COL8A1: variants seen among roughly 807,000 people sequenced by gnomAD.
The protein encoded by COL8A1 is collagen type VIII alpha 1 chain, also known as collagen alpha-1(VIII) chain.
A neutral mutation model predicts 42.7 loss-of-function variants in COL8A1; 21 were observed. The ratio of observed to expected loss-of-function variants is 0.49; its 90% CI spans 0.35 to 0.71. The LOEUF is 0.71. Among genes scored for constraint, COL8A1 ranks in the 30% least tolerant of loss-of-function variants. COL8A1 has a pLI of 0.01. For synonymous variants in COL8A1, 367 were observed against 369.1 expected (o/e 0.99, Z 0.06); for missense variants, 788 against 962.4 (o/e 0.82, Z 2.40).
chr3:99,740,825 C>T (rs694429), intron 1 of COL8A1, among the ~76,000 whole-genome samples: 123,698 of 152,124 alleles, frequency 0.81, 50,594 homozygotes, highest in African/African-American at 0.91. Flanking sequence ...AGGAAAAATA[C>T]TGAAAATTCC....
intron 1 of COL8A1, among the ~76,000 whole-genome samples, chr3:99,687,302 A>G (rs1002062914): frequency 5.3e-5 from 8 of 152,206 alleles, no homozygotes; most frequent in Non-Finnish European, 1.2e-4. Context: ...TTTAGCCCAT[A>G]TTTCCTAATC....
chr3:99,672,348 A>G (rs1938570937), intron 1 of COL8A1, among the ~76,000 whole-genome samples: 1 of 151,954 alleles, frequency 6.6e-6, no homozygotes, highest in South Asian at 2.1e-4. Flanking sequence ...GTCAATTGGA[A>G]CTACTCATAG....
chr3:99,720,363 G>GT (rs1940116480), intron 1 of COL8A1, among the ~76,000 whole-genome samples: 1 of 152,070 alleles, frequency 6.6e-6, no homozygotes, highest in African/African-American at 2.4e-5. Context: ...GAGGTAGGTG[G>GT]TAAGATAGAT....
chr3:99,681,974 A>C (rs1026142456), intron 1 of COL8A1, among the ~76,000 whole-genome samples: 2 of 152,230 alleles, frequency 1.3e-5, no homozygotes, highest in Non-Finnish European at 2.9e-5. Context: ...AGCTCTCTTC[A>C]CCATGAGGCT....
At chr3:99,648,518 T>C (rs950486714) in intron 1 of COL8A1, among the ~76,000 whole-genome samples, 2 of 151,990 alleles carry the variant, frequency 1.3e-5, no homozygotes, top group East Asian at 1.9e-4. Flanking sequence ...AAGTAAGGAC[T>C]GTGTAATTAG....
chr3:99,759,458 C>T lies in COL8A1; in HGVS notation c.-4+14437C>T, dbSNP rs142741941. On this transcript the variant is annotated intron_variant, in intron 2 of 3. Transcript: ENST00000652472. The stretch of plus-strand genomic sequence containing the variant: ...TAAACTACCCTGTCCCAAGTCATAG[C>T]ATAAACATGAGAAAAAGGGAAAACT... 2.3e-3 allele frequency among the ~76,000 whole-genome samples: 350 copies of T among 152,162 alleles called. 6 individuals carry two copies. Among genetic ancestry groups the T allele is most frequent in the African/African-American group, 7.6e-3 (315 of 41,532 alleles).
chr3:99,651,148 A>T (rs1937833202), intron 1 of COL8A1, among the ~76,000 whole-genome samples: 1 of 152,162 alleles, frequency 6.6e-6, no homozygotes, highest in Non-Finnish European at 1.5e-5. Flanking sequence ...ATTCTTTATC[A>T]CTATATAAAC....
At position 99,797,175 on chromosome 3, in the gene COL8A1, C is replaced by T. The variant is rs894800695; in HGVS notation, c.*1039C>T. On this transcript the variant is annotated 3_prime_UTR_variant, in exon 4 of 4. Coordinates refer to ENST00000652472, the MANE Select transcript of COL8A1 (RefSeq NM_020351.4). Reference sequence around the variant, plus strand: ...CACACAACCACAGTGTGGTTCTAATCATGGAGATATCAGTAATTTTTAGTA... The same window carrying T: ...CACACAACCACAGTGTGGTTCTAATTATGGAGATATCAGTAATTTTTAGTA... 1 of 152,196 alleles carries T rather than the reference C, an allele frequency of 6.6e-6. No homozygotes were observed. Among genetic ancestry groups the T allele is most frequent in the Non-Finnish European group, 1.5e-5 (1 of 68,044 alleles). The allele number at this position is 152,196 out of a possible 1,614,324, so 9.4% of individuals were successfully genotyped here.
At chr3:99,669,146 T>TATATATAGAGAGAGAGAGAG in intron 1 of COL8A1, among the ~76,000 whole-genome samples, 2 of 115,390 alleles carry the variant, frequency 1.7e-5, no homozygotes, top group Admixed American at 1.9e-4. Context: ...TATATATATA[T>TATATATAGAGAGAGAGAGAG]AGAGGGAGAG....
At chr3:99,746,628 C>G (rs1054027181) in intron 2 of COL8A1, among the ~76,000 whole-genome samples, 1 of 152,118 alleles carries the variant, frequency 6.6e-6, no homozygotes, top group Admixed American at 6.5e-5. Context: ...GTGGAAATAT[C>G]AAAAATACAT....
intron 1 of COL8A1, among the ~76,000 whole-genome samples, chr3:99,705,184 T>G (rs1207816272): frequency 1.3e-5 from 2 of 152,166 alleles, no homozygotes. Flanking sequence ...AAACCCAGTT[T>G]CCCATTCGAA....
At chr3:99,696,429 C>T (rs1006367155) in intron 1 of COL8A1, among the ~76,000 whole-genome samples, 7 of 152,126 alleles carry the variant, frequency 4.6e-5, no homozygotes, top group African/African-American at 1.7e-4. Context: ...AAGCCTGGAC[C>T]GAAGAGGACA....
At chr3:99,649,936 T>A (rs1937786953) in intron 1 of COL8A1, among the ~76,000 whole-genome samples, 1 of 152,164 alleles carries the variant, frequency 6.6e-6, no homozygotes, top group African/African-American at 2.4e-5. Flanking sequence ...GAAAAATTAT[T>A]TCCCATGTGA....
chr3:99,794,991 A>G lies in COL8A1; in HGVS notation c.1090A>G (p.Met364Val), dbSNP rs770903426. The part of the protein sequence containing the change: ...GFPGPKGDRG[M>V]GGVPGALGPR... ...CCCAGGACCCAAAGGTGACCGGGGC[A>G]TGGGAGGTGTTCCTGGGGCTCTTGG... Residue 364 changes from methionine to valine, a missense_variant, in exon 4 of 4, where the codon ATG becomes GTG. By Grantham distance (21) the Met-to-Val change is conservative. Coordinates refer to ENST00000652472, the MANE Select transcript of COL8A1 (RefSeq NM_020351.4). The surrounding 1 kb of genome is among the most constrained non-coding windows in gnomAD (Gnocchi z 4.3). 7 of 1,606,428 alleles carry G rather than the reference A, an allele frequency of 4.4e-6. No individual in the cohort carries two copies. Among genetic ancestry groups the G allele is most frequent in the Non-Finnish European group, 5.1e-6 (6 of 1,176,380 alleles).
At chr3:99,649,218 G>A (rs886653601) in intron 1 of COL8A1, among the ~76,000 whole-genome samples, 2 of 151,976 alleles carry the variant, frequency 1.3e-5, no homozygotes, top group Admixed American at 1.3e-4. Flanking sequence ...AGAACTCTCT[G>A]TACAAGCCCT....
rs1157303244 is a variant in COL8A1, at chr3:99,798,851, C to T, written c.*2715C>T. On this transcript the variant is annotated 3_prime_UTR_variant, in exon 4 of 4. Transcript: ENST00000652472. ...TGTGCCTGTATTTCCCTTTTGAGTG[C>T]TGCACAACATGTTAACATATTAGTG... The T allele has an allele frequency of 3.3e-5, 5 of 152,326 alleles. No homozygotes were observed. The South Asian group carries it at 8.3e-4, about 25-fold the overall frequency. The allele number at this position is 152,326 out of a possible 1,614,324, so 9.4% of individuals were successfully genotyped here.
At chr3:99,662,061 C>G (rs1326724895) in intron 1 of COL8A1, among the ~76,000 whole-genome samples, 1 of 152,118 alleles carries the variant, frequency 6.6e-6, no homozygotes, top group Non-Finnish European at 1.5e-5. Flanking sequence ...ATATATTTAT[C>G]ACCATTGAAC....
chr3:99,743,449 G>T (rs1251629769), intron 1 of COL8A1, among the ~76,000 whole-genome samples: 1 of 152,054 alleles, frequency 6.6e-6, no homozygotes, highest in Non-Finnish European at 1.5e-5. Flanking sequence ...ACATGTCAGA[G>T]CCTGGGCCTT....
At chr3:99,776,402 T>TTAAGGAGC (rs1181245611) in intron 2 of COL8A1, among the ~76,000 whole-genome samples, 4 of 152,186 alleles carry the variant, frequency 2.6e-5, no homozygotes, top group African/African-American at 9.6e-5. Context: ...GCCTGAATCC[T>TTAAGGAGC]CTACAGCTCC....
Sources: gnomAD v4.1 joint callset for allele counts (sites outside exome capture counted in the v4.1 genomes callset) on GRCh38, gnomAD v4.1.1 for gene constraint, Gnocchi (gnomAD v3.1) non-coding constraint, MANE v1.5 for transcripts, NCBI Gene and HGNC (gene_info 2026-07-23, HGNC 2026-07-21) for gene names.